Variants in TRAPPC9 observed in about 807,000 individuals in gnomAD.
The protein encoded by TRAPPC9 is IKK2 binding protein.
In TRAPPC9, 83 loss-of-function variants were observed where a neutral mutation model predicts 124.0. The observed-to-expected ratio is 0.67, with a 90% CI of 0.56 to 0.80. TRAPPC9 has a LOEUF of 0.80. Among genes scored for constraint, TRAPPC9 ranks in the 30% least tolerant of loss-of-function variants. The pLI is 0.00. For missense variants in TRAPPC9, 1,302 were observed against 1,508.3 expected (o/e 0.86, Z 2.27); for synonymous variants, 638 against 617.5 (o/e 1.03, Z -0.49).
intron 20 of TRAPPC9, among the ~76,000 whole-genome samples, chr8:139,901,024 T>A (rs1166449521): frequency 1.3e-5 from 2 of 148,766 alleles, no homozygotes; most frequent in African/African-American, 2.5e-5. Context: ...TAAATAAAAA[T>A]AAAATAAAAG....
chr8:140,398,439 T>C (rs2069157991), intron 6 of TRAPPC9, among the ~76,000 whole-genome samples: 2 of 152,108 alleles, frequency 1.3e-5, no homozygotes, highest in Admixed American at 1.3e-4. Flanking sequence ...GATAATGATA[T>C]GGACAATGAA....
At chr8:140,422,077 T>C (rs532518351) in intron 5 of TRAPPC9, among the ~76,000 whole-genome samples, 12 of 142,392 alleles carry the variant, frequency 8.4e-5, no homozygotes, top group Non-Finnish European at 1.5e-4. Context: ...TAGAGTATGG[T>C]GGTTAAGAGG....
chr8:140,215,335 T>C lies in TRAPPC9; in HGVS notation c.2556+6124A>G, dbSNP rs2063164602. 2.0e-5 allele frequency among the ~76,000 whole-genome samples: 3 copies of C among 152,086 alleles called. No individual in the cohort carries two copies. In the South Asian group the frequency reaches 6.2e-4, roughly 32 times the overall value. The stretch of plus-strand genomic sequence containing the variant: ...TAAGGGTGGGACCACAGGATGAAGA[T>C]TATTAGAAGAGACACAGAGGGCAGG... On this transcript the variant is annotated intron_variant, in intron 17 of 22. Transcript: ENST00000438773.
intron 21 of TRAPPC9, among the ~76,000 whole-genome samples, chr8:139,841,168 C>G (rs927285733): frequency 1.3e-5 from 2 of 152,172 alleles, no homozygotes; most frequent in Non-Finnish European, 1.5e-5. Context: ...CCCCCGGCTC[C>G]TTCTTGTGGT....
At chr8:140,317,373 G>A (rs1264199758) in intron 9 of TRAPPC9, among the ~76,000 whole-genome samples, 1 of 152,064 alleles carries the variant, frequency 6.6e-6, no homozygotes, top group African/African-American at 2.4e-5. Context: ...CTTCTGGTTG[G>A]TTCCTGTGTC....
At chr8:139,830,947 A>G (rs1224090471) in intron 21 of TRAPPC9, among the ~76,000 whole-genome samples, 1 of 152,262 alleles carries the variant, frequency 6.6e-6, no homozygotes, top group Non-Finnish European at 1.5e-5. Flanking sequence ...AGCAAGCTCC[A>G]TCGCTGGCCG....
At chr8:140,045,262 C>A (rs557981228) in intron 17 of TRAPPC9, among the ~76,000 whole-genome samples, 3 of 152,158 alleles carry the variant, frequency 2.0e-5, no homozygotes, top group African/African-American at 7.2e-5. Context: ...GTACACGAAG[C>A]GAGGATGGTG....
chr8:139,918,145 G>A (rs1167174926), intron 19 of TRAPPC9, among the ~76,000 whole-genome samples: 1 of 152,204 alleles, frequency 6.6e-6, no homozygotes, highest in African/African-American at 2.4e-5. Flanking sequence ...TCTGAATCTT[G>A]AGCTCCTCAC....
chr8:140,433,303 C>A (rs1051869961), intron 4 of TRAPPC9, among the ~76,000 whole-genome samples: 1 of 150,054 alleles, frequency 6.7e-6, no homozygotes, highest in African/African-American at 2.5e-5. Context: ...AAAAACAACA[C>A]ACAGGCCAGG....
chr8:140,131,643 T>A (rs1308447252), intron 17 of TRAPPC9, among the ~76,000 whole-genome samples: 1 of 152,170 alleles, frequency 6.6e-6, no homozygotes, highest in Non-Finnish European at 1.5e-5. Context: ...AATGAAGCAC[T>A]GACTTTTTCT....
intron 17 of TRAPPC9, among the ~76,000 whole-genome samples, chr8:140,204,910 C>T (rs1490525414): frequency 6.6e-6 from 1 of 152,212 alleles, no homozygotes; most frequent in Non-Finnish European, 1.5e-5. Context: ...GAGAGGAAAT[C>T]TTATCAGACA....
chr8:140,072,632 T>C (rs1254852630), intron 17 of TRAPPC9, among the ~76,000 whole-genome samples: 1 of 147,906 alleles, frequency 6.8e-6, no homozygotes, highest in Admixed American at 6.6e-5. Flanking sequence ...GGAGCGGTGG[T>C]GGTGAAGAGG....
intron 3 of TRAPPC9, among the ~76,000 whole-genome samples, chr8:140,437,606 A>G (rs2070865853): frequency 6.6e-6 from 1 of 152,234 alleles, no homozygotes; most frequent in African/African-American, 2.4e-5. Flanking sequence ...CCTGGGCAAC[A>G]GAGCGAGACT....
chr8:139,887,222 T>A (rs917857069), intron 20 of TRAPPC9, among the ~76,000 whole-genome samples: 6 of 149,986 alleles, frequency 4.0e-5, no homozygotes, highest in African/African-American at 1.5e-4. Context: ...TTTAGCTTTT[T>A]TTTTTTTTTT....
intron 18 of TRAPPC9, among the ~76,000 whole-genome samples, chr8:140,014,622 A>G (rs1434169304): frequency 1.3e-5 from 2 of 152,128 alleles, no homozygotes; most frequent in African/African-American, 2.4e-5. Flanking sequence ...ACACTCCTCC[A>G]AAGATACGGC....
At chr8:140,297,617 C>T (rs780871356) in intron 11 of TRAPPC9, among the ~76,000 whole-genome samples, 2 of 152,348 alleles carry the variant, frequency 1.3e-5, no homozygotes, top group Non-Finnish European at 2.9e-5. Context: ...CCTTGCAAAG[C>T]CCACACGGCT....
intron 17 of TRAPPC9, among the ~76,000 whole-genome samples, chr8:140,069,313 C>T (rs1433859423): frequency 1.3e-5 from 2 of 152,172 alleles, no homozygotes; most frequent in South Asian, 2.1e-4. Flanking sequence ...CTGCCCACCC[C>T]ACCTGGGCAA....
At chr8:139,952,902 A>C (rs1213883702) in intron 19 of TRAPPC9, among the ~76,000 whole-genome samples, 1 of 152,234 alleles carries the variant, frequency 6.6e-6, no homozygotes, top group East Asian at 1.9e-4. Flanking sequence ...CAGATGTGGA[A>C]ACTGAAGGTA....
At chr8:140,163,735 A>T (rs748673216) in intron 17 of TRAPPC9, among the ~76,000 whole-genome samples, 2 of 152,130 alleles carry the variant, frequency 1.3e-5, no homozygotes, top group Non-Finnish European at 2.9e-5. Flanking sequence ...TTGCCTTTCA[A>T]GGGAGATAAG....
Sources: allele counts gnomAD v4.1 joint callset (sites outside exome capture counted in the v4.1 genomes callset), GRCh38; gene constraint gnomAD v4.1.1; transcripts MANE v1.5; gene names NCBI Gene and HGNC (gene_info 2026-07-23, HGNC 2026-07-21).